EHMT1: variants seen among roughly 807,000 people sequenced by gnomAD.
The protein encoded by EHMT1 is histone-lysine N-methyltransferase EHMT1.
In EHMT1, 15 loss-of-function variants were observed where a neutral mutation model predicts 147.2. That is an observed-to-expected ratio of 0.10 (90% CI 0.07 to 0.16). The LOEUF is 0.16. Ranked by LOEUF, EHMT1 falls within the 10% of genes least tolerant of loss-of-function variation. EHMT1 has a pLI of 1.00. For synonymous variants in EHMT1, 795 were observed against 709.6 expected (o/e 1.12, Z -1.91); for missense variants, 1,587 against 1,772.4 (o/e 0.90, Z 1.88).
intron 16 of EHMT1, among the ~76,000 whole-genome samples, chr9:137,795,653 A>G (rs1952882471): frequency 6.6e-6 from 1 of 152,126 alleles, no homozygotes; most frequent in Non-Finnish European, 1.5e-5. Flanking sequence ...TTTTAACCTC[A>G]TCAATGTTAT....
intron 1 of EHMT1, among the ~76,000 whole-genome samples, chr9:137,670,102 C>T (rs541306117): frequency 6.6e-6 from 1 of 152,230 alleles, no homozygotes; most frequent in South Asian, 2.1e-4. Context: ...TCAAGTGATC[C>T]GCCTGCCTCA....
intron 1 of EHMT1, chr9:137,638,071 A>T (rs1230137332): frequency 6.7e-6 from 1 of 149,310 alleles, no homozygotes. Context: ...TGGTCATTCT[A>T]GCTAAAGTTT....
intron 1 of EHMT1, among the ~76,000 whole-genome samples, chr9:137,639,155 G>C (rs1474279839): frequency 6.6e-6 from 1 of 151,568 alleles, no homozygotes; most frequent in Non-Finnish European, 1.5e-5. Context: ...TCTTTGTTTT[G>C]TTGATTTCTA....
chr9:137,669,127 TC>T lies in EHMT1; in HGVS notation c.22-41838del, dbSNP rs1319169441. ...GTCTTGAACTCCTGATCTCAGGTGATCCGCCTGCCTAGGCCTCTCAAAGTGC... is the reference window on the plus strand; with the variant it reads ...GTCTTGAACTCCTGATCTCAGGTGATCGCCTGCCTAGGCCTCTCAAAGTGC... On this transcript the variant is annotated intron_variant, in intron 1 of 26. Transcript: ENST00000460843. Among the ~76,000 whole-genome samples the T allele has an allele frequency of 5.3e-5, 8 of 152,252 alleles. No homozygotes were observed. In the East Asian group the frequency reaches 1.5e-3, roughly 29 times the overall value.
chr9:137,751,675 G>A (rs1948980191), intron 6 of EHMT1, among the ~76,000 whole-genome samples: 1 of 152,206 alleles, frequency 6.6e-6, no homozygotes, highest in African/African-American at 2.4e-5. Context: ...AATAAGATGT[G>A]TCTGTTCTGG....
At chr9:137,672,380 C>T (rs928377848) in intron 1 of EHMT1, among the ~76,000 whole-genome samples, 4 of 151,954 alleles carry the variant, frequency 2.6e-5, no homozygotes, top group Non-Finnish European at 5.9e-5. Context: ...GTTATTTGTA[C>T]AGGAGGTTTT....
At chr9:137,710,631 G>T (rs942737689) in intron 1 of EHMT1, among the ~76,000 whole-genome samples, 2 of 152,140 alleles carry the variant, frequency 1.3e-5, no homozygotes, top group African/African-American at 4.8e-5. Flanking sequence ...ATTATTGTCA[G>T]CAGTAGAATG....
At position 137,813,583 on chromosome 9, in the gene EHMT1, A is replaced by G. The variant is rs1954670248; in HGVS notation, c.3180+53A>G. 1 of 1,609,130 alleles carries G rather than the reference A, an allele frequency of 6.2e-7. No homozygotes were observed. The highest frequency in any genetic ancestry group is 1.3e-5 in the African/African-American group (1 of 74,882). On this transcript the variant is annotated intron_variant, in intron 21 of 26. Coordinates refer to ENST00000460843, the MANE Select transcript of EHMT1 (RefSeq NM_024757.5). The surrounding 1 kb of genome is among the most constrained non-coding windows in gnomAD (Gnocchi z 4.9). ...TCAGGCCAGGACATGGGACAGGCAG[A>G]AGCTTCTTGAGCCTGGGGTCCTGGG... is the stretch of plus-strand genomic sequence containing the variant.
intron 13 of EHMT1, 58 bp from the exon 14 acceptor site, chr9:137,779,577 C>G (rs1588663337): frequency 6.3e-7 from 1 of 1,596,252 alleles, no homozygotes; most frequent in East Asian, 2.2e-5. Context: ...TTCCAGCCTT[C>G]AGCTTCATGT....
At chr9:137,818,217 G>A (rs1955081598) in intron 25 of EHMT1, 79 bp downstream of exon 25, 1 of 1,485,484 alleles carries the variant, frequency 6.7e-7, no homozygotes, top group Non-Finnish European at 9.4e-7. Flanking sequence ...AGTAGGGCTG[G>A]GATTCAGAAG....
At chr9:137,831,212 A>G (rs749186847) in intron 25 of EHMT1, among the ~76,000 whole-genome samples, 4 of 152,240 alleles carry the variant, frequency 2.6e-5, no homozygotes, top group Non-Finnish European at 5.9e-5. Flanking sequence ...TTCCAACTGT[A>G]GCACCTGCAG....
At chr9:137,682,845 C>A (rs554153669) in intron 1 of EHMT1, among the ~76,000 whole-genome samples, 1 of 152,208 alleles carries the variant, frequency 6.6e-6, no homozygotes, top group African/African-American at 2.4e-5. Context: ...ACAGGCAGTG[C>A]TGGGCCCCTA....
At chr9:137,806,310 A>G (rs12339249) in intron 18 of EHMT1, among the ~76,000 whole-genome samples, 23,038 of 151,940 alleles carry the variant, frequency 0.15, 5,693 homozygotes, top group African/African-American at 0.52. Flanking sequence ...TGCTCCTGCC[A>G]TCCCCATCCC....
intron 1 of EHMT1, among the ~76,000 whole-genome samples, chr9:137,652,963 G>A (rs1482310176): frequency 6.6e-6 from 1 of 151,702 alleles, no homozygotes. Context: ...CCTGACCTCA[G>A]GTGATCCATT....
intron 1 of EHMT1, among the ~76,000 whole-genome samples, chr9:137,708,146 GA>G (rs1177226539): frequency 6.6e-6 from 1 of 152,110 alleles, no homozygotes; most frequent in Admixed American, 6.5e-5. Context: ...TTTTCTGAAT[GA>G]AAAAAACTCA....
At chr9:137,717,325 G>T in intron 3 of EHMT1, 143 bp downstream of exon 3, 1 of 1,084,466 alleles carries the variant, frequency 9.2e-7, no homozygotes, top group Non-Finnish European at 1.4e-6. Context: ...GGAGAAGGCC[G>T]GGAGCAGTGG....
intron 1 of EHMT1, among the ~76,000 whole-genome samples, chr9:137,629,540 C>T (rs1843483979): frequency 6.6e-6 from 1 of 151,990 alleles, no homozygotes; most frequent in Non-Finnish European, 1.5e-5. Context: ...ACTACAGGCG[C>T]CCACCACCAT....
chr9:137,639,891 C>G (rs111739362), intron 1 of EHMT1, among the ~76,000 whole-genome samples: 1 of 152,346 alleles, frequency 6.6e-6, no homozygotes, highest in Non-Finnish European at 1.5e-5. Flanking sequence ...AGAATGCCCA[C>G]TCAACCCACC....
chr9:137,655,455 T>C (rs899646857), intron 1 of EHMT1, among the ~76,000 whole-genome samples: 8 of 152,224 alleles, frequency 5.3e-5, no homozygotes, highest in Non-Finnish European at 1.0e-4. Context: ...TTTTCCTTAA[T>C]GAGGAAGATA....
Sources: allele counts gnomAD v4.1 joint callset (sites outside exome capture counted in the v4.1 genomes callset), GRCh38; gene constraint gnomAD v4.1.1; non-coding constraint Gnocchi (gnomAD v3.1); transcripts MANE v1.5; gene names NCBI Gene and HGNC (gene_info 2026-07-23, HGNC 2026-07-21).